PPP1R12B: variants seen among roughly 807,000 people sequenced by gnomAD.
PPP1R12B encodes protein phosphatase 1 regulatory subunit 12B, also known as myosin phosphatase target subunit 2.
In PPP1R12B, 76 loss-of-function variants were observed where a neutral mutation model predicts 126.1. The observed-to-expected ratio is 0.60, with a 90% CI of 0.50 to 0.73. The LOEUF (loss-of-function observed/expected upper bound fraction) is 0.73, where lower values mean the gene tolerates loss of function less well. Ranked by LOEUF, PPP1R12B falls within the 30% of genes least tolerant of loss-of-function variation. The pLI is 0.00. For synonymous variants in PPP1R12B, 356 were observed against 434.7 expected, an observed-to-expected ratio of 0.82 and a Z score of 2.25; for missense variants, 1,052 against 1,205.1, an observed-to-expected ratio of 0.87 and a Z score of 1.88.
At position 202,348,895 on chromosome 1, in the gene PPP1R12B, C is replaced by T. The variant is rs1391806091; in HGVS notation, c.44C>T (p.Ala15Val). The change falls in exon 1 of 24, where the codon GCG becomes GTG. Residue 15 changes from alanine (A) to valine (V), a missense_variant. Coordinates refer to ENST00000608999, the MANE Select transcript of PPP1R12B (RefSeq NM_002481.4). ...CTAGGAGGGAAGCGGGCAGAGTCGG[C>T]GCGAATGCGGCGGGCAGAGCAGCTT... ...EHLGGKRAES[A>V]RMRRAEQLRR... 7 of 1,610,546 alleles carry T rather than the reference C, an allele frequency of 4.3e-6. No individual in the cohort carries two copies. In the African/African-American group the frequency reaches 6.7e-5, roughly 15 times the overall value.
intron 18 of PPP1R12B, among the ~76,000 whole-genome samples, chr1:202,545,619 C>A (rs1685572723): frequency 1.3e-5 from 2 of 152,148 alleles, no homozygotes; most frequent in Non-Finnish European, 2.9e-5. Flanking sequence ...ACAGTTCCTG[C>A]CCTCAAAGAA....
intron 18 of PPP1R12B, among the ~76,000 whole-genome samples, chr1:202,532,067 A>T (rs1446372598): frequency 6.6e-6 from 1 of 152,188 alleles, no homozygotes; most frequent in African/African-American, 2.4e-5. Flanking sequence ...TGGATTATTC[A>T]TGAGTTTTCC....
chr1:202,463,027 T>C (rs1674514549), intron 13 of PPP1R12B: 1 of 985,278 alleles, frequency 1.0e-6, no homozygotes, highest in Non-Finnish European at 1.2e-6. Flanking sequence ...TACTCTGTGT[T>C]TGGATGCTAA....
At chr1:202,450,123 G>A (rs544494687) in intron 13 of PPP1R12B, among the ~76,000 whole-genome samples, 3 of 152,284 alleles carry the variant, frequency 2.0e-5, no homozygotes, top group East Asian at 1.9e-4. Flanking sequence ...GATAGTCTAC[G>A]TTGACTTCTC....
intron 13 of PPP1R12B, among the ~76,000 whole-genome samples, chr1:202,486,038 C>T (rs1252675112): frequency 6.6e-6 from 1 of 152,094 alleles, no homozygotes; most frequent in East Asian, 1.9e-4. Context: ...TGTGCCACTG[C>T]ACCCGGCTAA....
chr1:202,515,498 T>G (rs1169868123), intron 18 of PPP1R12B, among the ~76,000 whole-genome samples: 1 of 152,234 alleles, frequency 6.6e-6, no homozygotes, highest in Non-Finnish European at 1.5e-5. Flanking sequence ...CCCTGCTGCC[T>G]TCTTTGCATA....
chr1:202,458,809 C>A (rs1222373150), intron 13 of PPP1R12B, among the ~76,000 whole-genome samples: 3 of 152,204 alleles, frequency 2.0e-5, no homozygotes, highest in African/African-American at 7.2e-5. Context: ...TACTGGGAAA[C>A]CTTGATAAAA....
chr1:202,448,384 G>T (rs1203268078), intron 12 of PPP1R12B: 1 of 152,208 alleles, frequency 6.6e-6, no homozygotes, highest in Non-Finnish European at 1.5e-5. Context: ...TCTCACTTTT[G>T]CAGTTATGAA....
intron 18 of PPP1R12B, among the ~76,000 whole-genome samples, chr1:202,541,296 T>C (rs2148962921): frequency 6.6e-6 from 1 of 152,190 alleles, no homozygotes; most frequent in East Asian, 1.9e-4. Flanking sequence ...AATTACCATG[T>C]AGTGGAATTT....
chr1:202,475,165 A>G lies in PPP1R12B; in HGVS notation c.1851-13368A>G, dbSNP rs563840669. 9.5e-4 allele frequency among the ~76,000 whole-genome samples: 144 copies of G among 152,316 alleles called. 1 individual carries two copies. Among genetic ancestry groups the G allele is most frequent in the Admixed American group, 1.8e-3 (27 of 15,304 alleles). ...CCCAGGTGCCTGTTCTTTCTATTGT[A>G]CCATAGTATTAGCCTCCCGTTCCCA... On this transcript the variant is annotated intron_variant, in intron 13 of 23. Transcript: ENST00000608999.
chr1:202,350,692 C>G (rs940142221), intron 1 of PPP1R12B, among the ~76,000 whole-genome samples: 3 of 151,368 alleles, frequency 2.0e-5, no homozygotes, highest in Non-Finnish European at 4.4e-5. Context: ...GAGATCTTGG[C>G]TCACTGCAAC....
intron 18 of PPP1R12B, among the ~76,000 whole-genome samples, chr1:202,503,929 C>G (rs1680522779): frequency 1.3e-5 from 2 of 152,022 alleles, no homozygotes; most frequent in African/African-American, 4.8e-5. Flanking sequence ...GCAACCTTGT[C>G]TAGAGGCCTT....
At chr1:202,383,155 T>C (rs1284098768) in intron 1 of PPP1R12B, among the ~76,000 whole-genome samples, 1 of 152,206 alleles carries the variant, frequency 6.6e-6, no homozygotes, top group African/African-American at 2.4e-5. Flanking sequence ...GTTTGGAATT[T>C]TGATATGAGG....
At chr1:202,349,799 T>C (rs1268792397) in intron 1 of PPP1R12B, among the ~76,000 whole-genome samples, 1 of 152,224 alleles carries the variant, frequency 6.6e-6, no homozygotes, top group African/African-American at 2.4e-5. Flanking sequence ...GTTTGATACT[T>C]ATGGAATAGC....
chr1:202,590,393 A>G lies in PPP1R12B; in HGVS notation c.*9833A>G, dbSNP rs749959159. On this transcript the variant is annotated 3_prime_UTR_variant, in exon 24 of 24. Coordinates refer to ENST00000608999, the MANE Select transcript of PPP1R12B (RefSeq NM_002481.4). Reference sequence around the variant, plus strand: ...GGCCCCAGCACCCACCAGAGTGCCAATCTGGTCTTCCCCCAACCCCAGGAG... The same window carrying G: ...GGCCCCAGCACCCACCAGAGTGCCAGTCTGGTCTTCCCCCAACCCCAGGAG... 5 of 151,768 alleles carry G rather than the reference A, an allele frequency of 3.3e-5. No homozygotes were observed. Among genetic ancestry groups the G allele is most frequent in the African/African-American group, 7.3e-5 (3 of 41,244 alleles). 9.4% of individuals were successfully genotyped at this position (151,768 alleles called of 1,614,324 possible).
intron 6 of PPP1R12B, among the ~76,000 whole-genome samples, chr1:202,429,488 A>G (rs925340672): frequency 6.6e-6 from 1 of 152,154 alleles, no homozygotes; most frequent in Non-Finnish European, 1.5e-5. Flanking sequence ...CTCATTTTGA[A>G]TCTTTTATTG....
chr1:202,371,089 C>T (rs993376697), intron 1 of PPP1R12B, among the ~76,000 whole-genome samples: 19 of 147,980 alleles, frequency 1.3e-4, no homozygotes, highest in Non-Finnish European at 1.6e-4. Flanking sequence ...GATCACGGCT[C>T]ACTGCAGCCT....
chr1:202,387,299 G>A (rs1663309574), intron 1 of PPP1R12B, among the ~76,000 whole-genome samples: 1 of 152,232 alleles, frequency 6.6e-6, no homozygotes, highest in Non-Finnish European at 1.5e-5. Flanking sequence ...GCTACTACCA[G>A]TTATGTAGAA....
chr1:202,388,031 C>A, intron 1 of PPP1R12B, among the ~76,000 whole-genome samples: 1 of 144,182 alleles, frequency 6.9e-6, no homozygotes, highest in South Asian at 2.2e-4. Flanking sequence ...TGAATCAATA[C>A]AAAATAGTTT....
Sources: gnomAD v4.1 joint callset for allele counts (sites outside exome capture counted in the v4.1 genomes callset) on GRCh38, gnomAD v4.1.1 for gene constraint, MANE v1.5 for transcripts, NCBI Gene and HGNC (gene_info 2026-07-23, HGNC 2026-07-21) for gene names.